Variants in CRYBG1 observed in about 807,000 individuals in gnomAD.
The protein encoded by CRYBG1 is beta/gamma crystallin domain-containing protein 1.
A neutral mutation model predicts 189.2 loss-of-function variants in CRYBG1; 139 were observed. The observed-to-expected ratio is 0.73, with a 90% CI of 0.64 to 0.85. CRYBG1 has a LOEUF of 0.85. Among genes scored for constraint, CRYBG1 ranks in the 40% least tolerant of loss-of-function variants. CRYBG1 has a pLI of 0.00. For synonymous variants in CRYBG1, 1,023 were observed against 1,017.1 expected (o/e 1.01, Z -0.11); for missense variants, 2,611 against 2,675.8 (o/e 0.98, Z 0.53).
rs898629929 is a variant in CRYBG1 at position 106,408,401 on chromosome 6, G to A, written c.174-43293G>A. Among the ~76,000 whole-genome samples, 87 of 152,176 alleles carry A rather than the reference G, an allele frequency of 5.7e-4. 1 individual carries two copies. Among genetic ancestry groups the A allele is most frequent in the African/African-American group, 2.0e-3 (82 of 41,536 alleles). On this transcript the variant is annotated intron_variant, in intron 1 of 21. Coordinates refer to ENST00000633556, the MANE Select transcript of CRYBG1 (RefSeq NM_001371242.2). ...AATTAATAGCCTACCAACCAAAAAAGCCTAGGACTAGGCAGATTCACAGCC... is the reference window on the plus strand; with the variant it reads ...AATTAATAGCCTACCAACCAAAAAAACCTAGGACTAGGCAGATTCACAGCC...
At chr6:106,415,517 G>C (rs1771005693) in intron 1 of CRYBG1, among the ~76,000 whole-genome samples, 1 of 151,686 alleles carries the variant, frequency 6.6e-6, no homozygotes, top group Non-Finnish European at 1.5e-5. Context: ...TTGAGCCTAG[G>C]AGTTCAGACA....
chr6:106,484,560 T>C (rs1459056927), intron 2 of CRYBG1, among the ~76,000 whole-genome samples: 3 of 152,300 alleles, frequency 2.0e-5, no homozygotes, highest in East Asian at 3.9e-4. Context: ...CCTTGAGCGA[T>C]CTTCCTGCCT....
chr6:106,360,965 C>T lies in CRYBG1; in HGVS notation c.57C>T (p.Pro19=). ...CCGGGGAGCCCAGCCCGTGCAGGCC[C>T]CCTAAGAAGCACACCACCTTCCACC... ...GDPGEPSPCR[P]PKKHTTFHLW... Residue 19 remains proline (P), a synonymous_variant, in exon 1 of 22, where the codon CCC becomes CCT. Transcript: ENST00000633556. The T allele has an allele frequency of 2.0e-6, 3 of 1,535,242 alleles. No individual in the cohort carries two copies. Among genetic ancestry groups the T allele is most frequent in the South Asian group, 2.4e-5 (2 of 84,054 alleles).
chr6:106,466,756 A>C (rs1011454767), intron 2 of CRYBG1, among the ~76,000 whole-genome samples: 1 of 152,262 alleles, frequency 6.6e-6, no homozygotes, highest in Non-Finnish European at 1.5e-5. Flanking sequence ...GTTAAGTAGA[A>C]TGTGTTTGGC....
chr6:106,522,496 GTTTAC>G (rs766856847), intron 4 of CRYBG1, among the ~76,000 whole-genome samples: 75 of 152,194 alleles, frequency 4.9e-4, no homozygotes, highest in Non-Finnish European at 9.6e-4. Context: ...TTCAGAAGAT[GTTTAC>G]TTTACTCGGT....
At chr6:106,518,973 G>GCACA (rs1193845182) in intron 3 of CRYBG1, among the ~76,000 whole-genome samples, 158 bp from the exon 4 acceptor site, 7 of 41,700 alleles carry the variant, frequency 1.7e-4, no homozygotes, top group African/African-American at 7.0e-4. Flanking sequence ...ACACATGTGT[G>GCACA]CGCACACACA....
At chr6:106,366,836 G>A (rs1014023120) in intron 1 of CRYBG1, among the ~76,000 whole-genome samples, 1 of 152,202 alleles carries the variant, frequency 6.6e-6, no homozygotes, top group Non-Finnish European at 1.5e-5. Flanking sequence ...TGTAATTATT[G>A]TTGTCTTTAT....
intron 6 of CRYBG1, among the ~76,000 whole-genome samples, chr6:106,526,707 C>T (rs936560559): frequency 4.6e-5 from 7 of 151,788 alleles, no homozygotes; most frequent in Admixed American, 1.3e-4. Flanking sequence ...GTTGGGAGGC[C>T]GAGGTGGGCA....
At chr6:106,498,638 G>C in intron 2 of CRYBG1, among the ~76,000 whole-genome samples, 1 of 152,142 alleles carries the variant, frequency 6.6e-6, no homozygotes, top group East Asian at 1.9e-4. Flanking sequence ...AGTTTGGGAG[G>C]CTGAGGTGGG....
intron 2 of CRYBG1, among the ~76,000 whole-genome samples, chr6:106,484,827 T>C (rs1772562886): frequency 6.6e-6 from 1 of 151,440 alleles, no homozygotes; most frequent in South Asian, 2.1e-4. Context: ...CTCTACAATA[T>C]GGAAAAAAAA....
At chr6:106,550,859 TA>T (rs1242224849) in intron 13 of CRYBG1, among the ~76,000 whole-genome samples, 1 of 151,312 alleles carries the variant, frequency 6.6e-6, no homozygotes, top group Non-Finnish European at 1.5e-5. Context: ...AGAATACAAT[TA>T]GAAAAAAAAA....
chr6:106,525,231 T>C, intron 5 of CRYBG1, 37 bp from the exon 6 acceptor site: 1 of 1,613,340 alleles, frequency 6.2e-7, no homozygotes, highest in Non-Finnish European at 8.5e-7. Flanking sequence ...TCTGACAGAG[T>C]ACAACAAAGT....
intron 14 of CRYBG1, 35 bp downstream of exon 14, chr6:106,552,013 C>G (rs1374410045): frequency 1.3e-6 from 2 of 1,556,624 alleles, no homozygotes; most frequent in African/African-American, 2.8e-5. Context: ...GAATATTTAA[C>G]TGAATTCTGG....
chr6:106,482,854 A>C (rs76254614), intron 2 of CRYBG1, among the ~76,000 whole-genome samples: 1 of 120,874 alleles, frequency 8.3e-6, no homozygotes, highest in African/African-American at 2.8e-5. Context: ...ACAGTCTTTA[A>C]ATTTTTTTAA....
chr6:106,401,960 A>G (rs1237704956), intron 1 of CRYBG1, among the ~76,000 whole-genome samples: 1 of 151,932 alleles, frequency 6.6e-6, no homozygotes, highest in Non-Finnish European at 1.5e-5. Flanking sequence ...CTCAGGATAC[A>G]AAATCAATGT....
At chr6:106,473,906 A>G (rs909052059) in intron 2 of CRYBG1, among the ~76,000 whole-genome samples, 1 of 152,208 alleles carries the variant, frequency 6.6e-6, no homozygotes, top group Non-Finnish European at 1.5e-5. Flanking sequence ...ATAAACATGT[A>G]TTTACTTACT....
intron 2 of CRYBG1, among the ~76,000 whole-genome samples, chr6:106,492,095 C>T (rs1447932277): frequency 6.6e-6 from 1 of 152,124 alleles, no homozygotes; most frequent in Non-Finnish European, 1.5e-5. Context: ...GACTGCACAC[C>T]CTCACTAATC....
chr6:106,401,404 T>A lies in CRYBG1; in HGVS notation c.173+40323T>A, dbSNP rs9386536. ...GCTGAATGATTCTTTTTTTTTTTTTTAATTTTCTTTTTTTATTATACTCTA... is the reference window on the plus strand; with the variant it reads ...GCTGAATGATTCTTTTTTTTTTTTTAAATTTTCTTTTTTTATTATACTCTA... On this transcript the variant is annotated intron_variant, in intron 1 of 21. Coordinates refer to ENST00000633556, the MANE Select transcript of CRYBG1 (RefSeq NM_001371242.2). Among the ~76,000 whole-genome samples the A allele has an allele frequency of 4.7e-3, 374 of 80,282 alleles. 3 individuals carry two copies. The highest frequency in any genetic ancestry group is 0.043 in the South Asian group (72 of 1,662). The allele number at this position is 80,282 out of a possible 152,430, so 52.7% of individuals were successfully genotyped here.
intron 2 of CRYBG1, among the ~76,000 whole-genome samples, chr6:106,480,084 G>A (rs1772411441): frequency 6.6e-6 from 1 of 151,994 alleles, no homozygotes; most frequent in African/African-American, 2.4e-5. Flanking sequence ...GTTATTTTTT[G>A]TATGTGGGGT....
Sources: allele counts gnomAD v4.1 joint callset (sites outside exome capture counted in the v4.1 genomes callset), GRCh38; gene constraint gnomAD v4.1.1; transcripts MANE v1.5; gene names NCBI Gene and HGNC (gene_info 2026-07-23, HGNC 2026-07-21).